NCOA2: variants seen among roughly 807,000 people sequenced by gnomAD.
NCOA2 encodes the protein nuclear receptor coactivator 2, also known as class E basic helix-loop-helix protein 75.
A neutral mutation model predicts 145.1 loss-of-function variants in NCOA2; 21 were observed. The ratio of observed to expected loss-of-function variants is 0.14; its 90% CI spans 0.10 to 0.21. NCOA2 has a LOEUF of 0.21. Ranked by LOEUF, NCOA2 falls within the 10% of genes least tolerant of loss-of-function variation. The pLI is 1.00. For synonymous variants in NCOA2, 619 were observed against 637.5 expected (o/e 0.97, Z 0.44); for missense variants, 1,472 against 1,837.6 (o/e 0.80, Z 3.64).
intron 2 of NCOA2, among the ~76,000 whole-genome samples, chr8:70,219,558 A>G (rs565921186): frequency 1.3e-5 from 2 of 152,270 alleles, no homozygotes; most frequent in South Asian, 4.1e-4. Flanking sequence ...ACCTCCAGGA[A>G]GTGCCAACAT....
chr8:70,215,898 G>A (rs1357233450), intron 3 of NCOA2, among the ~76,000 whole-genome samples: 7 of 151,948 alleles, frequency 4.6e-5, no homozygotes, highest in Non-Finnish European at 7.4e-5. Flanking sequence ...CTTTTTGTCT[G>A]TAACAATATT....
intron 1 of NCOA2, among the ~76,000 whole-genome samples, chr8:70,353,913 A>G (rs1809459013): frequency 6.6e-6 from 1 of 152,186 alleles, no homozygotes; most frequent in African/African-American, 2.4e-5. Context: ...ATGGTAATAT[A>G]ATTTACCCAA....
At chr8:70,455,028 G>A in the NCOA2 span, among the ~76,000 whole-genome samples, 1 of 152,166 alleles carries the variant, frequency 6.6e-6, no homozygotes. Context: ...GTAACTTTGT[G>A]GCTCCAAGCC....
At chr8:70,148,570 T>C (rs891585798) in intron 11 of NCOA2, 87 bp from the exon 12 acceptor site, 5 of 1,208,572 alleles carry the variant, frequency 4.1e-6, no homozygotes, top group Non-Finnish European at 5.9e-6. Context: ...CTAACTGCCA[T>C]AAGGCACCAC....
chr8:70,306,846 T>A (rs1382664783), intron 1 of NCOA2, among the ~76,000 whole-genome samples: 1 of 152,174 alleles, frequency 6.6e-6, no homozygotes, highest in East Asian at 1.9e-4. Flanking sequence ...GCCATCACAC[T>A]CCAGCCTGGG....
intron 1 of NCOA2, among the ~76,000 whole-genome samples, chr8:70,364,076 G>A (rs1342527395): frequency 1.3e-5 from 2 of 151,894 alleles, no homozygotes; most frequent in Non-Finnish European, 2.9e-5. Flanking sequence ...GAGAAAGACT[G>A]CTGCGTTATG....
intron 2 of NCOA2, among the ~76,000 whole-genome samples, chr8:70,234,475 C>T (rs942148074): frequency 2.0e-5 from 3 of 152,186 alleles, no homozygotes; most frequent in Non-Finnish European, 2.9e-5. Flanking sequence ...TACATTCCTA[C>T]CAGTAATAAA....
At chr8:70,161,527 G>A (rs1391447963) in intron 9 of NCOA2, among the ~76,000 whole-genome samples, 1 of 151,962 alleles carries the variant, frequency 6.6e-6, no homozygotes, top group Admixed American at 6.6e-5. Context: ...AATAAGATGA[G>A]GGGAAAAAAA....
At chr8:70,159,429 C>T in intron 10 of NCOA2, 76 bp downstream of exon 10, 1 of 1,325,872 alleles carries the variant, frequency 7.5e-7, no homozygotes, top group Non-Finnish European at 1.0e-6. Context: ...CCTCAAAGCT[C>T]TAAAATAATT....
chr8:70,120,367 A>T (rs1192394283), intron 22 of NCOA2, among the ~76,000 whole-genome samples: 2 of 152,082 alleles, frequency 1.3e-5, no homozygotes, highest in Non-Finnish European at 2.9e-5. Context: ...AATTACGTCT[A>T]AGTACTAATT....
At chr8:70,378,433 C>T (rs913354105) in intron 1 of NCOA2, among the ~76,000 whole-genome samples, 3 of 152,070 alleles carry the variant, frequency 2.0e-5, no homozygotes, top group East Asian at 1.9e-4. Context: ...CCTAACCCAA[C>T]GCCATTATAA....
chr8:70,256,559 T>C (rs2134906664), intron 2 of NCOA2, among the ~76,000 whole-genome samples: 1 of 152,314 alleles, frequency 6.6e-6, no homozygotes, highest in East Asian at 1.9e-4. Flanking sequence ...TTTGACAGAC[T>C]GAAGAGAAAG....
At chr8:70,200,684 T>C (rs543053827) in intron 4 of NCOA2, among the ~76,000 whole-genome samples, 5 of 152,288 alleles carry the variant, frequency 3.3e-5, no homozygotes, top group African/African-American at 1.2e-4. Context: ...GGGCAAATAT[T>C]ACATGATTCT....
intron 1 of NCOA2, among the ~76,000 whole-genome samples, chr8:70,396,699 C>T (rs1586681189): frequency 6.6e-6 from 1 of 151,556 alleles, no homozygotes; most frequent in African/African-American, 2.4e-5. Flanking sequence ...AAATAAATAA[C>T]CTCTGTGCAG....
At chr8:70,123,728 A>G in intron 21 of NCOA2, 156 bp downstream of exon 21, 1 of 481,324 alleles carries the variant, frequency 2.1e-6, no homozygotes, top group Non-Finnish European at 3.5e-6. Flanking sequence ...GATTTTTATT[A>G]ATGTCACTAA....
intron 14 of NCOA2, among the ~76,000 whole-genome samples, chr8:70,140,348 T>C (rs1810254215): frequency 1.3e-5 from 2 of 152,196 alleles, no homozygotes; most frequent in Admixed American, 1.3e-4. Context: ...TTCTGGACAT[T>C]TCATATAAAT....
At chr8:70,452,752 A>C in the NCOA2 span, among the ~76,000 whole-genome samples, 1 of 152,148 alleles carries the variant, frequency 6.6e-6, no homozygotes, top group African/African-American at 2.4e-5. Flanking sequence ...GCCAACACCA[A>C]AAATCTAAAA....
chr8:70,260,527 TGAG>T (rs1824025899), intron 2 of NCOA2, among the ~76,000 whole-genome samples: 1 of 152,224 alleles, frequency 6.6e-6, no homozygotes. Context: ...TAGAGTCTAA[TGAG>T]GATGAAGGGT....
intron 1 of NCOA2, among the ~76,000 whole-genome samples, chr8:70,324,590 C>G (rs1273592065): frequency 6.6e-6 from 1 of 152,030 alleles, no homozygotes; most frequent in Non-Finnish European, 1.5e-5. Context: ...ATCCACCCGC[C>G]TTGGCCTCCC....
Sources: gnomAD v4.1 joint callset for allele counts (sites outside exome capture counted in the v4.1 genomes callset) on GRCh38, gnomAD v4.1.1 for gene constraint, MANE v1.5 for transcripts, NCBI Gene and HGNC (gene_info 2026-07-23, HGNC 2026-07-21) for gene names.